The following SLC22A23 variants were observed in gnomAD, a reference collection of about 807,000 sequenced individuals.
SLC22A23 encodes ion transporter protein.
SLC22A23 carries 26 observed loss-of-function variants against 61.0 expected under a neutral mutation model. That is an observed-to-expected ratio of 0.43 (90% CI 0.31 to 0.59). The LOEUF is 0.59. Ranked by LOEUF, SLC22A23 falls within the 20% of genes least tolerant of loss-of-function variation. The pLI is 0.11. For missense variants in SLC22A23, 796 were observed against 934.7 expected, an observed-to-expected ratio of 0.85 and a Z score of 1.94; for synonymous variants, 430 against 413.9, an observed-to-expected ratio of 1.04 and a Z score of -0.47.
chr6:3,345,366 T>TC (rs1764371779), intron 3 of SLC22A23, among the ~76,000 whole-genome samples: 2 of 145,342 alleles, frequency 1.4e-5, no homozygotes, highest in South Asian at 4.6e-4. Flanking sequence ...CTCTTTTCTT[T>TC]TTTTTTTTTT....
At chr6:3,358,036 G>A (rs1319343974) in intron 3 of SLC22A23, among the ~76,000 whole-genome samples, 1 of 152,220 alleles carries the variant, frequency 6.6e-6, no homozygotes, top group Non-Finnish European at 1.5e-5. Flanking sequence ...AAGGCGGCCA[G>A]TGCAGAAGAG....
At chr6:3,301,178 C>A (rs543602206) in intron 4 of SLC22A23, among the ~76,000 whole-genome samples, 2,895 of 151,978 alleles carry the variant, frequency 0.019, 42 homozygotes, top group Admixed American at 0.028. Flanking sequence ...CAAATGCCAC[C>A]CCCCATAGTT....
rs1290722320 is a variant in SLC22A23, at chr6:3,328,989, C to G, written c.914-4987G>C. On this transcript the variant is annotated intron_variant, in intron 3 of 9. Coordinates refer to ENST00000406686, the MANE Select transcript of SLC22A23 (RefSeq NM_015482.2). This position sits in a 1 kb window ranked among gnomAD's most constrained non-coding sequence, Gnocchi z 5.0. ...CAGGTCCCAGCCTCACAGGGCACTGCCAAGCTCAAGGGACCGTCTGTCAAA... is the reference window on the plus strand; with the variant it reads ...CAGGTCCCAGCCTCACAGGGCACTGGCAAGCTCAAGGGACCGTCTGTCAAA... Among the ~76,000 whole-genome samples, 1 of 152,122 alleles carries G rather than the reference C, an allele frequency of 6.6e-6. No homozygotes were observed. Among genetic ancestry groups the G allele is most frequent in the African/African-American group, 2.4e-5 (1 of 41,430 alleles).
rs1772394585 is a variant in SLC22A23 at position 3,456,148 on chromosome 6, C to A, written c.412G>T (p.Ala138Ser). Residue 138 changes from alanine (A) to serine (S), a missense_variant, in exon 1 of 10, where the codon GCA becomes TCA. Ala to Ser is a moderately conservative substitution (Grantham distance 99, BLOSUM62 1). Coordinates refer to ENST00000406686, the MANE Select transcript of SLC22A23 (RefSeq NM_015482.2). This position sits in a 1 kb window ranked among gnomAD's most constrained non-coding sequence, Gnocchi z 7.1. ...CCCCGGCCTGTGGTGGTGACCCCTG[C>A]CAGCTCGGTGCCTTTGCCGGCCCCG... ...CRGAGKGTEL[A>S]GVTTTGRGGD... The A allele has an allele frequency of 6.4e-7, 1 of 1,551,094 alleles. No homozygotes were observed. Among genetic ancestry groups the A allele is most frequent in the African/African-American group, 1.4e-5 (1 of 73,020 alleles).
At chr6:3,338,637 G>T (rs546517206) in intron 3 of SLC22A23, among the ~76,000 whole-genome samples, 1 of 152,328 alleles carries the variant, frequency 6.6e-6, no homozygotes, top group South Asian at 2.1e-4. Context: ...AGTTTTATTG[G>T]CAGGGTCCCA....
At chr6:3,451,587 T>C (rs1196566695) in intron 1 of SLC22A23, among the ~76,000 whole-genome samples, 1 of 152,206 alleles carries the variant, frequency 6.6e-6, no homozygotes, top group African/African-American at 2.4e-5. Flanking sequence ...TTGACTAAGA[T>C]CTCAGAAGTA....
At chr6:3,374,306 C>A (rs1766417708) in intron 3 of SLC22A23, among the ~76,000 whole-genome samples, 1 of 152,244 alleles carries the variant, frequency 6.6e-6, no homozygotes, top group South Asian at 2.1e-4. Flanking sequence ...TGGCACCATG[C>A]ACATGGTGAG....
intron 3 of SLC22A23, among the ~76,000 whole-genome samples, chr6:3,343,396 C>T (rs555130540): frequency 2.6e-5 from 4 of 152,234 alleles, no homozygotes; most frequent in African/African-American, 9.6e-5. Context: ...GAATTCAGAT[C>T]TTTGGATTTT....
intron 3 of SLC22A23, among the ~76,000 whole-genome samples, chr6:3,363,104 G>C (rs1159183166): frequency 6.6e-6 from 1 of 152,208 alleles, no homozygotes; most frequent in East Asian, 1.9e-4. Flanking sequence ...TCTCCGCTCA[G>C]CTGGGACATG....
At chr6:3,284,339 C>G (rs796639836) in intron 8 of SLC22A23, among the ~76,000 whole-genome samples, 28 of 152,308 alleles carry the variant, frequency 1.8e-4, no homozygotes, top group African/African-American at 6.7e-4. Flanking sequence ...CTGATGTGCC[C>G]AACGTGTGGG....
rs1758318159 is a variant in SLC22A23 at position 3,269,215 on chromosome 6, A to T, written c.*3840T>A. 6.6e-6 allele frequency: 1 copy of T among 152,312 alleles called. No individual in the cohort carries two copies. Among genetic ancestry groups the T allele is most frequent in the Non-Finnish European group, 1.5e-5 (1 of 68,034 alleles). The allele number at this position is 152,312 out of a possible 1,614,324, so 9.4% of individuals were successfully genotyped here. On this transcript the variant is annotated 3_prime_UTR_variant, in exon 10 of 10. Transcript: ENST00000406686. Reference sequence around the variant, plus strand: ...GTGGTCTGAGAGTGGCACTTGGTAAACAGTGTGTGTTTAATCCAGCCTCTG... The same window carrying T: ...GTGGTCTGAGAGTGGCACTTGGTAATCAGTGTGTGTTTAATCCAGCCTCTG...
chr6:3,358,531 GA>G (rs77259915), intron 3 of SLC22A23, among the ~76,000 whole-genome samples: 36,856 of 151,998 alleles, frequency 0.24, 5,122 homozygotes, highest in East Asian at 0.53. Flanking sequence ...GGCAAATTCA[GA>G]AAATCAAAGA....
chr6:3,398,969 C>A (rs111622749), intron 3 of SLC22A23, among the ~76,000 whole-genome samples: 1 of 152,088 alleles, frequency 6.6e-6, no homozygotes, highest in East Asian at 1.9e-4. Context: ...GTCGAGACTT[C>A]GGTCAGCTGT....
intron 3 of SLC22A23, among the ~76,000 whole-genome samples, chr6:3,399,982 G>A (rs768120346): frequency 2.6e-5 from 4 of 152,146 alleles, no homozygotes; most frequent in Non-Finnish European, 4.4e-5. Flanking sequence ...AGGTTCAAGC[G>A]ATTCTCCTGC....
Position 3,427,933 on chromosome 6 carries a change from G to A in SLC22A23, c.655-12078C>T, listed in dbSNP as rs1262101689. 3.3e-5 allele frequency among the ~76,000 whole-genome samples: 5 copies of A among 152,192 alleles called. No homozygotes were observed. The highest frequency in any genetic ancestry group is 6.5e-5 in the Admixed American group (1 of 15,290). On this transcript the variant is annotated intron_variant, in intron 1 of 9. Transcript: ENST00000406686. This position sits in a 1 kb window ranked among gnomAD's most constrained non-coding sequence, Gnocchi z 4.3. The stretch of plus-strand genomic sequence containing the variant: ...GAGAGGAAGAAGGTCGGCTGCACCC[G>A]AGGTGGGGTGAGCCAGGAAGGCTCC...
intron 9 of SLC22A23, among the ~76,000 whole-genome samples, chr6:3,274,735 A>G (rs1201103663): frequency 6.6e-6 from 1 of 152,272 alleles, no homozygotes; most frequent in East Asian, 1.9e-4. Flanking sequence ...TGAAAATGCC[A>G]TTCACAATAA....
rs1763324784 is a variant in SLC22A23, at chr6:3,327,078, G to T, written c.914-3076C>A. Among the ~76,000 whole-genome samples the T allele has an allele frequency of 6.7e-6, 1 of 150,056 alleles. No homozygotes were observed. The highest frequency in any genetic ancestry group is 6.6e-5 in the Admixed American group (1 of 15,160). ...GACTGCAGGTGGATCGTTTCTGCTG[G>T]GAGGGACGGGGACTGCAGGTGGATA... On this transcript the variant is annotated intron_variant, in intron 3 of 9. Coordinates refer to ENST00000406686, the MANE Select transcript of SLC22A23 (RefSeq NM_015482.2). The surrounding 1 kb of genome is among the most constrained non-coding windows in gnomAD (Gnocchi z 4.1).
intron 1 of SLC22A23, among the ~76,000 whole-genome samples, chr6:3,436,414 G>T (rs781300603): frequency 6.6e-6 from 1 of 152,204 alleles, no homozygotes; most frequent in Non-Finnish European, 1.5e-5. Flanking sequence ...GGGATTACAG[G>T]CGTAAGCCAC....
chr6:3,444,254 C>T (rs1771766885), intron 1 of SLC22A23, among the ~76,000 whole-genome samples: 1 of 152,152 alleles, frequency 6.6e-6, no homozygotes. Flanking sequence ...GAGATCTGCT[C>T]ATCAATAGTG....
Sources: gnomAD v4.1 joint callset for allele counts (sites outside exome capture counted in the v4.1 genomes callset) on GRCh38, gnomAD v4.1.1 for gene constraint, Gnocchi (gnomAD v3.1) non-coding constraint, MANE v1.5 for transcripts, NCBI Gene and HGNC (gene_info 2026-07-23, HGNC 2026-07-21) for gene names.